APPL2: variants seen among roughly 807,000 people sequenced by gnomAD.
The protein encoded by APPL2 is adaptor protein, phosphotyrosine interacting with PH domain and leucine zipper 2.
Under a neutral mutation model 92.7 loss-of-function variants are expected in APPL2, and 84 were observed. The observed-to-expected ratio is 0.91, with a 90% confidence interval of 0.76 to 1.09. The LOEUF (loss-of-function observed/expected upper bound fraction) is 1.09. Among genes scored for constraint, APPL2 ranks in the 50% least tolerant of loss-of-function variants. APPL2 has a pLI of 0.00. For synonymous variants in APPL2, 291 were observed against 291.0 expected, an observed-to-expected ratio of 1.00 and a Z score of 0.00; for missense variants, 736 against 824.5, an observed-to-expected ratio of 0.89 and a Z score of 1.31.
At chr12:105,231,787 G>C (rs1890937117) in intron 1 of APPL2, among the ~76,000 whole-genome samples, 1 of 152,196 alleles carries the variant, frequency 6.6e-6, no homozygotes, top group Admixed American at 6.5e-5. Context: ...AACTGACAGG[G>C]AAACTCTGGT....
At chr12:105,218,576 T>G (rs1350891658) in intron 2 of APPL2, among the ~76,000 whole-genome samples, 1 of 152,226 alleles carries the variant, frequency 6.6e-6, no homozygotes, top group Non-Finnish European at 1.5e-5. Flanking sequence ...AGAAATGCAC[T>G]GCCTGTCTGA....
chr12:105,185,908 A>C (rs1311682766), intron 17 of APPL2, among the ~76,000 whole-genome samples: 2 of 152,056 alleles, frequency 1.3e-5, no homozygotes, highest in Non-Finnish European at 2.9e-5. Flanking sequence ...TCCCAGAGGA[A>C]ACTCCATCCC....
At chr12:105,202,311 G>A (rs903552534) in intron 9 of APPL2, among the ~76,000 whole-genome samples, 1 of 152,162 alleles carries the variant, frequency 6.6e-6, no homozygotes, top group Non-Finnish European at 1.5e-5. Flanking sequence ...AGGATGGCTG[G>A]TGCTATACTT....
intron 14 of APPL2, among the ~76,000 whole-genome samples, chr12:105,193,100 T>G (rs1162098034): frequency 6.6e-6 from 1 of 151,142 alleles, no homozygotes; most frequent in Non-Finnish European, 1.5e-5. Flanking sequence ...CTAATTCAGC[T>G]GGCTGGCTAG....
At chr12:105,220,737 C>G (rs879377514) in intron 2 of APPL2, among the ~76,000 whole-genome samples, 2 of 152,242 alleles carry the variant, frequency 1.3e-5, no homozygotes, top group Non-Finnish European at 2.9e-5. Context: ...TGCCAGGGAA[C>G]TGCCAGCATC....
intron 9 of APPL2, among the ~76,000 whole-genome samples, chr12:105,200,702 G>A (rs1258398903): frequency 1.3e-5 from 2 of 152,162 alleles, no homozygotes; most frequent in South Asian, 2.1e-4. Context: ...CAGGAGACAC[G>A]GCAACCACAA....
chr12:105,188,323 G>A lies in APPL2; in HGVS notation c.1584C>T (p.Asn528=), dbSNP rs1258358394. Residue 528 remains asparagine (N), a synonymous_variant, in exon 17 of 21, where the codon AAC becomes AAT. Transcript: ENST00000258530. ...GATGGGATTCTGTCATGCGGAAGAT[G>A]TTATGAATAGCCCGAGCAGCCAATA... ...RQVLAARAIH[N]IFRMTESHLM... is the part of the protein sequence containing the mutation. 1.2e-6 allele frequency: 2 copies of A among 1,614,088 alleles called. No homozygotes were observed. Among genetic ancestry groups the A allele is most frequent in the African/African-American group, 2.7e-5 (2 of 74,940 alleles).
intron 8 of APPL2, among the ~76,000 whole-genome samples, chr12:105,205,142 T>C (rs781044239): frequency 3.3e-5 from 5 of 152,168 alleles, no homozygotes; most frequent in African/African-American, 7.2e-5. Flanking sequence ...CAATAAACCC[T>C]GATTGCCAAG....
chr12:105,177,019 G>A lies in APPL2; in HGVS notation c.1672-3C>T. 1 of 1,613,136 alleles carries A rather than the reference G, an allele frequency of 6.2e-7. No individual in the cohort carries two copies. ...TGTGTGACACTGGTAAGTTCAAACT[G>A]GGGGGTGGAAAAAAAGGCAACAGAT... On this transcript the variant is annotated splice_polypyrimidine_tract_variant and splice_region_variant and intron_variant, in intron 18 of 20. Coordinates refer to ENST00000258530, the MANE Select transcript of APPL2 (RefSeq NM_018171.5).
At chr12:105,208,286 G>A in intron 5 of APPL2, 87 bp from the exon 6 acceptor site, 1 of 1,512,546 alleles carries the variant, frequency 6.6e-7, no homozygotes. Flanking sequence ...GAAAATAAGA[G>A]AATATGCGTG....
At chr12:105,221,137 C>T (rs1463500749) in intron 2 of APPL2, among the ~76,000 whole-genome samples, 1 of 152,162 alleles carries the variant, frequency 6.6e-6, no homozygotes, top group African/African-American at 2.4e-5. Flanking sequence ...AATGCTTTAC[C>T]AACATCAGCT....
chr12:105,188,381 G>A lies in APPL2; in HGVS notation c.1526C>T (p.Thr509Ile). The A allele has an allele frequency of 1.2e-6, 2 of 1,614,142 alleles. No homozygotes were observed. The highest frequency in any genetic ancestry group is 8.5e-7 in the Non-Finnish European group (1 of 1,180,014). Residue 509 changes from threonine to isoleucine, a missense_variant, in exon 17 of 21, where the codon ACT (threonine) becomes ATT (isoleucine). Coordinates refer to ENST00000258530, the MANE Select transcript of APPL2 (RefSeq NM_018171.5). Reference protein sequence around the residue: ...LGSMAVKTDSTTEVIYEAMRQ... With the variant: ...LGSMAVKTDSITEVIYEAMRQ... ...CATCGCTTCATAAATCACTTCAGTA[G>A]TGCTGTCTGTTTTAACTGCCATTGA...
At chr12:105,201,232 C>T (rs1888176616) in intron 9 of APPL2, among the ~76,000 whole-genome samples, 1 of 152,130 alleles carries the variant, frequency 6.6e-6, no homozygotes, top group Non-Finnish European at 1.5e-5. Context: ...TAATGCAGCT[C>T]GATTTTGGCT....
At chr12:105,207,013 A>G in intron 8 of APPL2, 48 bp downstream of exon 8, 1 of 1,592,194 alleles carries the variant, frequency 6.3e-7, no homozygotes, top group Non-Finnish European at 8.5e-7. Context: ...TCTCAGCAGA[A>G]CGCCACAGCT....
chr12:105,208,700 C>T (rs1322782076), intron 5 of APPL2, among the ~76,000 whole-genome samples: 1 of 152,164 alleles, frequency 6.6e-6, no homozygotes, highest in African/African-American at 2.4e-5. Context: ...CACGATCTAG[C>T]ATACTGTAGT....
intron 9 of APPL2, among the ~76,000 whole-genome samples, chr12:105,202,902 G>A (rs934130844): frequency 2.0e-5 from 3 of 152,170 alleles, no homozygotes; most frequent in Non-Finnish European, 4.4e-5. Context: ...TAGCCTTCAT[G>A]AGGTGTGGTG....
chr12:105,196,074 AAAAAG>A (rs1222621812), intron 11 of APPL2, among the ~76,000 whole-genome samples: 1 of 148,680 alleles, frequency 6.7e-6, no homozygotes, highest in Non-Finnish European at 1.5e-5. Flanking sequence ...AAAAAAAAAG[AAAAAG>A]AAAAAAGAAA....
At chr12:105,223,095 TC>T (rs1359435804) in intron 2 of APPL2, among the ~76,000 whole-genome samples, 1 of 152,164 alleles carries the variant, frequency 6.6e-6, no homozygotes, top group Non-Finnish European at 1.5e-5. Context: ...TTATGCCTTT[TC>T]CTTGTGGTTA....
At chr12:105,221,157 A>G (rs1384800683) in intron 2 of APPL2, among the ~76,000 whole-genome samples, 1 of 152,142 alleles carries the variant, frequency 6.6e-6, no homozygotes, top group Non-Finnish European at 1.5e-5. Flanking sequence ...TAATTAATCC[A>G]CGCCCTGTGC....
Sources: gnomAD v4.1 joint callset for allele counts (sites outside exome capture counted in the v4.1 genomes callset) on GRCh38, gnomAD v4.1.1 for gene constraint, MANE v1.5 for transcripts, NCBI Gene and HGNC (gene_info 2026-07-23, HGNC 2026-07-21) for gene names.